The following RTKN2 variants were observed in gnomAD, a reference collection of about 807,000 sequenced individuals.
The protein encoded by RTKN2 is rhotekin-2.
In RTKN2, 69 loss-of-function variants were observed where a neutral mutation model predicts 71.5. That is an observed-to-expected ratio of 0.96 (90% CI 0.79 to 1.18). The LOEUF is 1.18. Among genes scored for constraint, RTKN2 ranks in the 50% most tolerant of loss-of-function variants. The probability of loss-of-function intolerance (pLI) is 0.00; values close to 1 mark genes in which losing one functional copy is unlikely to be tolerated. For missense variants in RTKN2, 724 were observed against 719.7 expected (o/e 1.01, Z -0.07); for synonymous variants, 236 against 236.5 (o/e 1.00, Z 0.02).
chr10:62,202,982 G>A (rs1328910895), intron 10 of RTKN2, among the ~76,000 whole-genome samples: 4 of 152,058 alleles, frequency 2.6e-5, no homozygotes, highest in African/African-American at 2.4e-5. Flanking sequence ...CCAACATGGA[G>A]AAATCCCGTC....
intron 1 of RTKN2, among the ~76,000 whole-genome samples, chr10:62,267,250 T>G (rs998276963): frequency 2.0e-5 from 3 of 152,206 alleles, no homozygotes; most frequent in African/African-American, 7.2e-5. Context: ...TAACCCAGGC[T>G]TTATGTATAT....
At chr10:62,240,439 C>A (rs896934880) in intron 4 of RTKN2, among the ~76,000 whole-genome samples, 3 of 152,074 alleles carry the variant, frequency 2.0e-5, no homozygotes, top group African/African-American at 7.2e-5. Context: ...ACTTAATTCC[C>A]ACATGTATTC....
intron 3 of RTKN2, among the ~76,000 whole-genome samples, chr10:62,242,602 G>A (rs1056807125): frequency 1.4e-5 from 2 of 147,712 alleles, no homozygotes; most frequent in Admixed American, 6.9e-5. Flanking sequence ...CTTAAGTTTT[G>A]TAAGTCTACA....
chr10:62,185,029 C>T (rs1841112519), intron 8 of RTKN2, among the ~76,000 whole-genome samples: 1 of 152,178 alleles, frequency 6.6e-6, no homozygotes, highest in Non-Finnish European at 1.5e-5. Flanking sequence ...CCATCCCCAA[C>T]TCCCAGGAAA....
Position 62,268,818 on chromosome 10 carries a change from A to T in RTKN2, c.-208T>A, listed in dbSNP as rs951195570. ...CAGCTCCCGCCGCCGGAAGTTGCCG[A>T]GACCCCAGGCTCTAGCGCGGCGGGG... On this transcript the variant is annotated 5_prime_UTR_variant, in exon 1 of 12. Coordinates refer to ENST00000373789, the MANE Select transcript of RTKN2 (RefSeq NM_145307.4). 3.6e-6 allele frequency: 2 copies of T among 549,816 alleles called. No homozygotes were observed. The allele number at this position is 549,816 out of a possible 1,614,324, so 34.1% of individuals were successfully genotyped here.
At chr10:62,261,945 T>C (rs192840426) in intron 2 of RTKN2, among the ~76,000 whole-genome samples, 79 of 152,282 alleles carry the variant, frequency 5.2e-4, no homozygotes, top group Admixed American at 4.4e-3. Context: ...AGCCTCTAAA[T>C]TGAACCAATT....
exon 9 of RTKN2, chr10:62,184,376 A>C (rs1361510031): frequency 6.5e-7 from 1 of 1,539,788 alleles, no homozygotes; most frequent in Non-Finnish European, 8.8e-7. Flanking sequence ...TATGTAGTTG[A>C]TTACTATTAT....
intron 6 of RTKN2, among the ~76,000 whole-genome samples, chr10:62,234,103 G>T (rs1462161787): frequency 2.0e-5 from 3 of 152,124 alleles, no homozygotes. Flanking sequence ...TACTGTGTCA[G>T]AAAGCAAAAA....
At chr10:62,258,129 T>G (rs1256088493) in intron 2 of RTKN2, among the ~76,000 whole-genome samples, 1 of 152,236 alleles carries the variant, frequency 6.6e-6, no homozygotes, top group Non-Finnish European at 1.5e-5. Context: ...ATGATATTAG[T>G]GATTTCTTAA....
chr10:62,234,766 T>C (rs1432798248), intron 6 of RTKN2, among the ~76,000 whole-genome samples: 2 of 152,050 alleles, frequency 1.3e-5, no homozygotes, highest in South Asian at 2.1e-4. Flanking sequence ...TTATAATCCA[T>C]AATGAAATAA....
intron 6 of RTKN2, among the ~76,000 whole-genome samples, chr10:62,234,247 G>A (rs1842209200): frequency 6.6e-6 from 1 of 151,998 alleles, no homozygotes; most frequent in South Asian, 2.1e-4. Context: ...TTCAAGGCTG[G>A]GTGTGGTGGC....
intron 2 of RTKN2, among the ~76,000 whole-genome samples, chr10:62,256,131 G>A (rs1842670577): frequency 6.6e-6 from 1 of 151,130 alleles, no homozygotes; most frequent in Non-Finnish European, 1.5e-5. Flanking sequence ...TGATCCTCCT[G>A]CCTCAGCCTC....
intron 1 of RTKN2, among the ~76,000 whole-genome samples, chr10:62,265,215 A>G (rs1479982228): frequency 6.6e-6 from 1 of 152,160 alleles, no homozygotes; most frequent in Non-Finnish European, 1.5e-5. Flanking sequence ...TTTCCTTTAG[A>G]GCAAGGGTCA....
intron 9 of RTKN2, among the ~76,000 whole-genome samples, chr10:62,215,640 G>A (rs1464579243): frequency 1.3e-5 from 2 of 151,936 alleles, no homozygotes; most frequent in African/African-American, 2.4e-5. Context: ...GAAATGTTAC[G>A]TTGTTTGCAA....
intron 3 of RTKN2, among the ~76,000 whole-genome samples, chr10:62,242,284 C>T (rs1326002611): frequency 6.6e-6 from 1 of 152,110 alleles, no homozygotes; most frequent in African/African-American, 2.4e-5. Flanking sequence ...GTCAAAATTT[C>T]CCTTTCCCAA....
At chr10:62,260,805 C>A (rs980079022) in intron 2 of RTKN2, among the ~76,000 whole-genome samples, 3 of 152,058 alleles carry the variant, frequency 2.0e-5, no homozygotes, top group Non-Finnish European at 4.4e-5. Flanking sequence ...GATATGGTCC[C>A]AAAAATAATA....
At chr10:62,221,399 C>A (rs982145639) in intron 7 of RTKN2, among the ~76,000 whole-genome samples, 1 of 151,912 alleles carries the variant, frequency 6.6e-6, no homozygotes. Flanking sequence ...ACAGAAAACA[C>A]AGGTTATCAT....
intron 2 of RTKN2, among the ~76,000 whole-genome samples, chr10:62,261,035 G>A (rs1158219524): frequency 6.6e-6 from 1 of 152,084 alleles, no homozygotes; most frequent in Non-Finnish European, 1.5e-5. Flanking sequence ...AAAAATTCAT[G>A]CTCTAAGAAG....
rs570004943 is a variant in RTKN2 at position 62,243,616 on chromosome 10, T to TACCGATTTTCCAGGTAGTC, written c.316+2364_316+2382dup. ...CAGCTCCACAAGAGGAGAAGCTGGA[T>TACCGATTTTCCAGGTAGTC]ACCGATTTTCCAGGTAGTCTTGTGC... On this transcript the variant is annotated intron_variant, in intron 3 of 11. Transcript: ENST00000373789. Among the ~76,000 whole-genome samples, 33 of 152,278 alleles carry TACCGATTTTCCAGGTAGTC rather than the reference T, an allele frequency of 2.2e-4. No individual in the cohort carries two copies. The East Asian group carries it at 5.6e-3, about 26-fold the overall frequency.
Sources: gnomAD v4.1 joint callset for allele counts (sites outside exome capture counted in the v4.1 genomes callset) on GRCh38, gnomAD v4.1.1 for gene constraint, MANE v1.5 for transcripts, NCBI Gene and HGNC (gene_info 2026-07-23, HGNC 2026-07-21) for gene names.